PFKFB1: variants seen among roughly 807,000 people sequenced by gnomAD.
PFKFB1 encodes the protein 6-phosphofructo-2-kinase/fructose-2,6-biphosphatase 1, also known as 6-phosphofructo-2-kinase/fructose-2,6-bisphosphatase 1.
PFKFB1 carries 34 observed loss-of-function variants against 46.4 expected under a neutral mutation model. That is an observed-to-expected ratio of 0.73 (90% CI 0.56 to 0.98). The LOEUF is 0.98. Among genes scored for constraint, PFKFB1 ranks in the 50% least tolerant of loss-of-function variants. PFKFB1 has a pLI of 0.00. For missense variants in PFKFB1, 393 were observed against 376.3 expected (o/e 1.04, Z -0.37); for synonymous variants, 119 against 133.8 (o/e 0.89, Z 0.76).
chrX:54,958,554 G>C (rs1934221478), intron 5 of PFKFB1, among the ~76,000 whole-genome samples, 192 bp from the exon 6 acceptor site: 1 of 111,012 alleles, frequency 9.0e-6, no homozygotes, highest in African/African-American at 3.3e-5. Flanking sequence ...AATGACCCCA[G>C]ACTGTTGTTT....
Position 54,958,869 on chromosome X carries a change from T to C in PFKFB1, c.441A>G (p.Ala147=), listed in dbSNP as rs147058443. The change falls in exon 5 of 14, where the codon GCA becomes GCG. Residue 147 remains alanine (A), a synonymous_variant. Coordinates refer to ENST00000375006, the MANE Select transcript of PFKFB1 (RefSeq NM_002625.4). Reference sequence around the variant, plus strand: ...ACCATACCTTGTAACCATGTTCTTTTGCAAACTGCAGGATCAGTGACCGTC... The same window carrying C: ...ACCATACCTTGTAACCATGTTCTTTCGCAAACTGCAGGATCAGTGACCGTC... ...RERRSLILQF[A]KEHGYKVFFI... is the part of the protein sequence containing the mutation. The C allele has an allele frequency of 2.1e-4, 252 of 1,190,882 alleles. No homozygotes were observed. The African/African-American group carries it at 4.1e-3, about 19-fold the overall frequency.
At chrX:54,994,971 G>A, upstream of PFKFB1, 1 of 418,509 alleles carries the variant, frequency 2.4e-6, no homozygotes, top group Non-Finnish European at 3.0e-6. Context: ...TGAACTGATA[G>A]AAAATTTCAC....
At chrX:54,971,585 T>C (rs1934660695) in intron 1 of PFKFB1, among the ~76,000 whole-genome samples, 1 of 112,314 alleles carries the variant, frequency 8.9e-6, no homozygotes, top group Non-Finnish European at 1.9e-5. Flanking sequence ...CATCATTTAT[T>C]AAATAGGGAA....
rs1449040094 is a variant in PFKFB1, at chrX:54,953,716, C to T, written c.639-1604G>A. On this transcript the variant is annotated intron_variant, in intron 7 of 13. Transcript: ENST00000375006. The stretch of plus-strand genomic sequence containing the variant: ...AGGCTCTAGGAGCTTCCAAATTCCT[C>T]AGCTTAGTCTGATCTTCTGGTTTTG... Among the ~76,000 whole-genome samples the T allele has an allele frequency of 2.7e-5, 3 of 111,747 alleles. No homozygotes were observed. The Admixed American group carries it at 2.8e-4, about 11-fold the overall frequency.
chrX:54,989,760 G>A (rs993138988), intron 1 of PFKFB1, among the ~76,000 whole-genome samples: 1 of 111,798 alleles, frequency 8.9e-6, no homozygotes, highest in Non-Finnish European at 1.9e-5. Context: ...AATGACAAGA[G>A]CACTGATCTA....
intron 6 of PFKFB1, among the ~76,000 whole-genome samples, chrX:54,957,251 G>GTGT (rs1198376136): frequency 9.0e-6 from 1 of 111,424 alleles, no homozygotes; most frequent in Non-Finnish European, 1.9e-5. Flanking sequence ...AAATTCTTAT[G>GTGT]TGTTCTTCAA....
intron 1 of PFKFB1, among the ~76,000 whole-genome samples, chrX:54,971,179 G>A (rs1485884893): frequency 3.9e-5 from 2 of 51,694 alleles, no homozygotes; most frequent in East Asian, 1.2e-3. Flanking sequence ...CTTTTTGATG[G>A]GGTTGTTTGT....
intron 10 of PFKFB1, among the ~76,000 whole-genome samples, chrX:54,945,165 G>T (rs1182141458): frequency 8.9e-6 from 1 of 112,430 alleles, no homozygotes; most frequent in Non-Finnish European, 1.9e-5. Context: ...GGATACCAGA[G>T]ACAAGGTCCA....
upstream of PFKFB1, among the ~76,000 whole-genome samples, chrX:54,995,523 A>G (rs775449420): frequency 6.4e-4 from 72 of 112,385 alleles, no homozygotes; most frequent in African/African-American, 2.1e-3. Context: ...GCAGATCATG[A>G]TGGTTAAGAG....
chrX:54,949,290 C>T, intron 8 of PFKFB1, 69 bp from the exon 9 acceptor site: 2 of 929,566 alleles, frequency 2.2e-6, no homozygotes, highest in Admixed American at 2.9e-5. Context: ...GGGTGGCCAT[C>T]AGAACAAGCT....
chrX:54,992,367 T>C (rs1935263099), intron 1 of PFKFB1, among the ~76,000 whole-genome samples: 1 of 112,352 alleles, frequency 8.9e-6, no homozygotes, highest in Non-Finnish European at 1.9e-5. Context: ...CCAGTTCATT[T>C]AATCTTCACA....
chrX:54,946,492 G>T (rs1163580152), intron 9 of PFKFB1, among the ~76,000 whole-genome samples: 1 of 111,707 alleles, frequency 9.0e-6, no homozygotes, highest in East Asian at 2.8e-4. Flanking sequence ...GCCTCTGGTT[G>T]TTGTCTATTG....
At chrX:54,990,038 C>T (rs771661402) in intron 1 of PFKFB1, among the ~76,000 whole-genome samples, 10 of 110,936 alleles carry the variant, frequency 9.0e-5, no homozygotes, top group Admixed American at 8.7e-4. Flanking sequence ...GTTTAGTAGG[C>T]CAATTATCTC....
At chrX:54,968,620 A>C (rs1934547132) in intron 1 of PFKFB1, among the ~76,000 whole-genome samples, 1 of 111,686 alleles carries the variant, frequency 9.0e-6, no homozygotes, top group Non-Finnish European at 1.9e-5. Context: ...TCGACAACAT[A>C]GATGAAACAA....
At chrX:54,972,258 T>C in intron 1 of PFKFB1, among the ~76,000 whole-genome samples, 1 of 110,700 alleles carries the variant, frequency 9.0e-6, no homozygotes, top group Admixed American at 9.6e-5. Context: ...TGGGGTTTTC[T>C]AGATATACAA....
At position 54,964,837 on chromosome X, in the gene PFKFB1, G is replaced by A. The variant is rs761034013; in HGVS notation, c.98-1455C>T. On this transcript the variant is annotated intron_variant, in intron 1 of 13. Coordinates refer to ENST00000375006, the MANE Select transcript of PFKFB1 (RefSeq NM_002625.4). ...AGATAGGTAATTTCGGCAGGGAGGTGAAAAGTATAAGAAAGAATCAAATAT... is the reference window on the plus strand; with the variant it reads ...AGATAGGTAATTTCGGCAGGGAGGTAAAAAGTATAAGAAAGAATCAAATAT... Among the ~76,000 whole-genome samples the A allele has an allele frequency of 1.4e-3, 160 of 111,304 alleles. 1 individual carries two copies. The highest frequency in any genetic ancestry group is 4.5e-3 in the Admixed American group (47 of 10,414).
chrX:54,940,687 A>C (rs1307600915), intron 10 of PFKFB1, among the ~76,000 whole-genome samples: 1 of 111,441 alleles, frequency 9.0e-6, no homozygotes, highest in Non-Finnish European at 1.9e-5. Context: ...CTTACAAGGG[A>C]TGTGAAGGAC....
intron 11 of PFKFB1, 109 bp downstream of exon 11, chrX:54,937,486 C>G (rs2146589504): frequency 1.4e-6 from 1 of 718,198 alleles, no homozygotes; most frequent in East Asian, 3.3e-5. Context: ...ACCTAGGCAT[C>G]CTTGTTCTAG....
chrX:54,942,094 T>C (rs902035340), intron 10 of PFKFB1, among the ~76,000 whole-genome samples: 32 of 111,566 alleles, frequency 2.9e-4, no homozygotes, highest in Non-Finnish European at 5.3e-4. Flanking sequence ...TCCTTTGTAG[T>C]GACATGGATG....
Sources: gnomAD v4.1 joint callset for allele counts (sites outside exome capture counted in the v4.1 genomes callset) on GRCh38, gnomAD v4.1.1 for gene constraint, MANE v1.5 for transcripts, NCBI Gene and HGNC (gene_info 2026-07-23, HGNC 2026-07-21) for gene names.